STX2: variants seen among roughly 807,000 people sequenced by gnomAD.
STX2 encodes the protein syntaxin 2, also known as syntaxin-2.
A neutral mutation model predicts 40.6 loss-of-function variants in STX2; 27 were observed. That is an observed-to-expected ratio of 0.66 (90% CI 0.49 to 0.92). The LOEUF is 0.92. Among genes scored for constraint, STX2 ranks in the 40% least tolerant of loss-of-function variants. STX2 has a pLI of 0.00. For missense variants in STX2, 328 were observed against 366.1 expected (o/e 0.90, Z 0.85); for synonymous variants, 123 against 119.1 (o/e 1.03, Z -0.22).
rs182644858 is a variant in STX2 at position 130,832,105 on chromosome 12, C to T, written c.31-4838G>A. Among the ~76,000 whole-genome samples, 12 of 152,210 alleles carry T rather than the reference C, an allele frequency of 7.9e-5. No homozygotes were observed. The East Asian group carries it at 2.3e-3, about 29-fold the overall frequency. On this transcript the variant is annotated intron_variant, in intron 1 of 10. Coordinates refer to ENST00000392373, the MANE Select transcript of STX2 (RefSeq NM_194356.4). ...CAACCAATCCTCCCACCTTGGTCTC[C>T]CCACGTGCTGGTATTACAGGCATGA...
At chr12:130,838,196 A>G (rs1335016890) in intron 1 of STX2, among the ~76,000 whole-genome samples, 5 of 152,244 alleles carry the variant, frequency 3.3e-5, no homozygotes, top group Non-Finnish European at 5.9e-5. Context: ...TGTATTGTAA[A>G]GGGAAAAAGT....
rs1449552132 is a variant in STX2 at position 130,814,032 on chromosome 12, G to A, written c.206-1001C>T. Among the ~76,000 whole-genome samples, 7 of 152,302 alleles carry A rather than the reference G, an allele frequency of 4.6e-5. No homozygotes were observed. The East Asian group carries it at 5.8e-4, about 13-fold the overall frequency. ...ACCCCCTCAGCTGAGCATACGCAGG[G>A]TGCCCCGAGTACCCACTGCACACAA... is the stretch of plus-strand genomic sequence containing the variant. On this transcript the variant is annotated intron_variant, in intron 3 of 10. Coordinates refer to ENST00000392373, the MANE Select transcript of STX2 (RefSeq NM_194356.4).
chr12:130,823,972 G>A (rs1036055655), intron 2 of STX2, among the ~76,000 whole-genome samples: 4 of 152,194 alleles, frequency 2.6e-5, no homozygotes, highest in African/African-American at 9.7e-5. Context: ...AATGAAAATG[G>A]CAATGATCAT....
Position 130,806,985 on chromosome 12 carries a change from T to C in STX2, c.460A>G (p.Ile154Val), listed in dbSNP as rs780730429. Reference protein sequence around the residue: ...SKGRIQRQLEITGRTTTDDEL... With the variant: ...SKGRIQRQLEVTGRTTTDDEL... ...AGACGGAGTCTCCATTACTCACTTA[T>C]CTCCAGCTGGCGCTGGATGCGGCCT... Residue 154 changes from isoleucine to valine, a missense_variant, in exon 6 of 11, where the codon ATA becomes GTA. Transcript: ENST00000392373. 1.9e-6 allele frequency: 3 copies of C among 1,613,120 alleles called. No homozygotes were observed. Among genetic ancestry groups the C allele is most frequent in the South Asian group, 1.1e-5 (1 of 91,062 alleles).
Position 130,812,358 on chromosome 12 carries a change from G to A in STX2, c.280+599C>T, listed in dbSNP as rs542054411. On this transcript the variant is annotated intron_variant, in intron 4 of 10. Coordinates refer to ENST00000392373, the MANE Select transcript of STX2 (RefSeq NM_194356.4). Reference sequence around the variant, plus strand: ...ATGGGCTTCAGAATAGTCTGGGAGCGGGTGCGGGTGGGAGCTCATGGAGAA... The same window carrying A: ...ATGGGCTTCAGAATAGTCTGGGAGCAGGTGCGGGTGGGAGCTCATGGAGAA... 55 of 454,522 alleles carry A rather than the reference G, an allele frequency of 1.2e-4. No individual in the cohort carries two copies. In the East Asian group the frequency reaches 2.9e-3, roughly 24 times the overall value. 28.2% of individuals were successfully genotyped at this position (454,522 alleles called of 1,614,324 possible).
intron 1 of STX2, among the ~76,000 whole-genome samples, chr12:130,833,228 C>G (rs1448125783): frequency 1.3e-5 from 2 of 151,974 alleles, no homozygotes; most frequent in Non-Finnish European, 2.9e-5. Context: ...GGAAAGTACA[C>G]ACAAATGACA....
chr12:130,807,634 T>C (rs534763646), intron 5 of STX2, among the ~76,000 whole-genome samples: 1 of 152,284 alleles, frequency 6.6e-6, no homozygotes, highest in African/African-American at 2.4e-5. Context: ...TCTGTCTTCC[T>C]CTGGGCAGTA....
chr12:130,823,801 T>G lies in STX2; in HGVS notation c.106-2013A>C, dbSNP rs532773870. Among the ~76,000 whole-genome samples, 366 of 152,334 alleles carry G rather than the reference T, an allele frequency of 2.4e-3. 2 individuals are homozygous for G. Among genetic ancestry groups the G allele is most frequent in the Non-Finnish European group, 3.8e-3 (260 of 68,032 alleles). On this transcript the variant is annotated intron_variant, in intron 2 of 10. Transcript: ENST00000392373. ...GATCAACATAAATAACACATTTCTG[T>G]GAAAAATAGATCTCCAAAAAATCGG... is the stretch of plus-strand genomic sequence containing the variant.
intron 5 of STX2, among the ~76,000 whole-genome samples, chr12:130,807,575 C>T (rs976594368): frequency 1.1e-4 from 17 of 152,140 alleles, no homozygotes; most frequent in Non-Finnish European, 1.2e-4. Flanking sequence ...GGCAGGCGGA[C>T]CCCAGAGCCC....
chr12:130,796,441 G>A (rs1951031028), intron 9 of STX2, among the ~76,000 whole-genome samples: 3 of 152,052 alleles, frequency 2.0e-5, no homozygotes, highest in Non-Finnish European at 4.4e-5. Context: ...AGCCAGGATC[G>A]TGTCACTGCA....
intron 5 of STX2, 66 bp downstream of exon 5, chr12:130,808,565 G>C: frequency 7.4e-7 from 1 of 1,352,604 alleles, no homozygotes; most frequent in Non-Finnish European, 1.0e-6. Flanking sequence ...TTCAGAGTCT[G>C]CAAGAAGAAA....
intron 1 of STX2, 88 bp downstream of exon 1, chr12:130,838,975 CTCCCGGA>C: frequency 8.7e-7 from 1 of 1,152,890 alleles, no homozygotes; most frequent in Non-Finnish European, 1.1e-6. Context: ...CCTGGGGACC[CTCCCGGA>C]GCCCCGCCCA....
intron 3 of STX2, 140 bp downstream of exon 3, chr12:130,821,549 G>A (rs1317896593): frequency 1.2e-5 from 8 of 656,490 alleles, no homozygotes; most frequent in South Asian, 4.5e-5. Context: ...CAGGCCAAAC[G>A]CCTCAGACTC....
chr12:130,801,499 C>T lies in STX2; in HGVS notation c.464-11G>A, dbSNP rs1382991076. On this transcript the variant is annotated splice_polypyrimidine_tract_variant and intron_variant, in intron 6 of 10. Transcript: ENST00000392373. ...TGGTGGTTCTCCCAGCTGAAAGACC[C>T]GCAACCACAGCCCCACTCAGAATGC... is the stretch of plus-strand genomic sequence containing the variant. The T allele has an allele frequency of 4.4e-6, 7 of 1,593,562 alleles. No homozygotes were observed. Among genetic ancestry groups the T allele is most frequent in the Non-Finnish European group, 6.0e-6 (7 of 1,170,820 alleles).
chr12:130,818,185 A>AAAAAAAAAATATATATATATATATATAT, intron 3 of STX2, among the ~76,000 whole-genome samples: 1 of 70,588 alleles, frequency 1.4e-5, no homozygotes, highest in Non-Finnish European at 2.3e-5. Context: ...AAAAAAAAAA[A>AAAAAAAAAATATATATATATATATATAT]ATATATATAT....
intron 3 of STX2, among the ~76,000 whole-genome samples, chr12:130,821,246 A>G (rs1195708320): frequency 6.6e-6 from 1 of 152,240 alleles, no homozygotes; most frequent in Non-Finnish European, 1.5e-5. Flanking sequence ...CACTGAGCGC[A>G]GCACAGTCCA....
chr12:130,805,000 T>C (rs543876708), intron 6 of STX2, among the ~76,000 whole-genome samples: 28 of 152,238 alleles, frequency 1.8e-4, no homozygotes, highest in African/African-American at 6.7e-4. Flanking sequence ...GGAGAGATGG[T>C]GCGGGGCCTT....
At chr12:130,806,754 T>G (rs1045666168) in intron 6 of STX2, among the ~76,000 whole-genome samples, 2 of 152,152 alleles carry the variant, frequency 1.3e-5, no homozygotes, top group African/African-American at 4.8e-5. Context: ...CCTGAAACTC[T>G]AAAAGCAACA....
At chr12:130,806,848 ACGAGTGGT>A in intron 6 of STX2, 126 bp downstream of exon 6, 1 of 769,114 alleles carries the variant, frequency 1.3e-6, no homozygotes, top group Non-Finnish European at 2.1e-6. Context: ...ATAGGAAGCT[ACGAGTGGT>A]CTTTGGGTTT....
Sources: allele counts gnomAD v4.1 joint callset (sites outside exome capture counted in the v4.1 genomes callset), GRCh38; gene constraint gnomAD v4.1.1; transcripts MANE v1.5; gene names NCBI Gene and HGNC (gene_info 2026-07-23, HGNC 2026-07-21).